USP48: variants seen among roughly 807,000 people sequenced by gnomAD.
The protein encoded by USP48 is ubiquitin carboxyl-terminal hydrolase 48.
USP48 carries 43 observed loss-of-function variants against 150.7 expected under a neutral mutation model. The ratio of observed to expected loss-of-function variants is 0.29; its 90% CI spans 0.22 to 0.37. The LOEUF (loss-of-function observed/expected upper bound fraction) is 0.37. Ranked by LOEUF, USP48 falls within the 10% of genes least tolerant of loss-of-function variation. The pLI, the probability that USP48 is intolerant of heterozygous loss-of-function variation, is 1.00. For missense variants in USP48, 813 were observed against 1,249.6 expected (o/e 0.65, Z 5.27); for synonymous variants, 396 against 425.9 (o/e 0.93, Z 0.86).
At chr1:21,779,575 T>G (rs918061090) in intron 1 of USP48, among the ~76,000 whole-genome samples, 56 of 151,408 alleles carry the variant, frequency 3.7e-4, no homozygotes, top group African/African-American at 1.3e-3. Context: ...TAATAAAAAG[T>G]TAAAAGTTAC....
At chr1:21,716,132 CT>C (rs1349375138) in intron 14 of USP48, among the ~76,000 whole-genome samples, 2 of 152,112 alleles carry the variant, frequency 1.3e-5, no homozygotes, top group African/African-American at 4.8e-5. Context: ...TCCTATAGAT[CT>C]TAGTAACCTC....
chr1:21,773,613 A>G (rs1248476814), intron 1 of USP48, among the ~76,000 whole-genome samples: 1 of 152,234 alleles, frequency 6.6e-6, no homozygotes, highest in Non-Finnish European at 1.5e-5. Context: ...AATGCTTTGT[A>G]TAAGGTAATA....
chr1:21,764,517 G>GCC (rs1377729269), intron 1 of USP48, among the ~76,000 whole-genome samples: 1 of 151,412 alleles, frequency 6.6e-6, no homozygotes, highest in Non-Finnish European at 1.5e-5. Flanking sequence ...GACCAACCTG[G>GCC]CCAAGATGGT....
At chr1:21,751,756 T>C (rs1411791546) in intron 5 of USP48, 141 bp from the exon 6 acceptor site, 1 of 684,440 alleles carries the variant, frequency 1.5e-6, no homozygotes, top group Non-Finnish European at 2.4e-6. Flanking sequence ...ATACTAAAAA[T>C]GAAATATAAT....
intron 11 of USP48, chr1:21,724,346 T>C: frequency 1.7e-6 from 1 of 597,920 alleles, no homozygotes; most frequent in Non-Finnish European, 3.0e-6. Context: ...CTGGTATTAT[T>C]AACCACATTC....
intron 8 of USP48, among the ~76,000 whole-genome samples, chr1:21,742,782 A>C (rs1490286598): frequency 6.6e-6 from 1 of 152,060 alleles, no homozygotes; most frequent in Non-Finnish European, 1.5e-5. Context: ...ACAGAAATAA[A>C]CCTAAAGGGC....
At chr1:21,758,647 G>A (rs974439687) in intron 1 of USP48, among the ~76,000 whole-genome samples, 4 of 151,988 alleles carry the variant, frequency 2.6e-5, no homozygotes, top group Non-Finnish European at 5.9e-5. Context: ...CTACTTGGGA[G>A]GTTGTGGCAG....
chr1:21,691,270 C>T (rs965641782), intron 23 of USP48, among the ~76,000 whole-genome samples: 7 of 147,130 alleles, frequency 4.8e-5, no homozygotes, highest in Admixed American at 1.4e-4. Context: ...GCTGAGACCA[C>T]GCCATTGCAC....
At chr1:21,687,021 CT>C in intron 25 of USP48, 169 bp downstream of exon 25, 2 of 645,474 alleles carry the variant, frequency 3.1e-6, no homozygotes, top group Non-Finnish European at 5.3e-6. Flanking sequence ...TTGTAGATAT[CT>C]TTCCCTCCTT....
chr1:21,774,797 G>C (rs2097893144), intron 1 of USP48, among the ~76,000 whole-genome samples: 1 of 151,722 alleles, frequency 6.6e-6, no homozygotes, highest in Non-Finnish European at 1.5e-5. Flanking sequence ...TTTGAGACCA[G>C]CCTGGCCAAC....
chr1:21,750,648 G>A (rs1182711649), intron 6 of USP48, among the ~76,000 whole-genome samples: 4 of 152,018 alleles, frequency 2.6e-5, no homozygotes, highest in South Asian at 2.1e-4. Context: ...CAAGGCAGGC[G>A]GATCACCTGA....
chr1:21,720,630 C>T (rs184472333), intron 14 of USP48, among the ~76,000 whole-genome samples: 18 of 151,790 alleles, frequency 1.2e-4, no homozygotes, highest in Admixed American at 9.8e-4. Flanking sequence ...TGGGTTCAAT[C>T]GATTCTACTG....
chr1:21,757,580 T>C, intron 2 of USP48, 83 bp downstream of exon 2: 2 of 1,482,974 alleles, frequency 1.3e-6, no homozygotes, highest in Non-Finnish European at 1.8e-6. Flanking sequence ...ATCAGTAGAG[T>C]TTTCTGATCA....
At chr1:21,721,895 T>C (rs927564164) in intron 12 of USP48, 131 bp from the exon 13 acceptor site, 6 of 540,098 alleles carry the variant, frequency 1.1e-5, no homozygotes, top group South Asian at 3.6e-5. Context: ...ATATGGCAAA[T>C]TGGTATATAC....
chr1:21,765,263 C>T (rs970328208), intron 1 of USP48, among the ~76,000 whole-genome samples: 5 of 152,146 alleles, frequency 3.3e-5, no homozygotes, highest in South Asian at 2.1e-4. Context: ...TTGGTTATGA[C>T]GTACTAAGCA....
intron 22 of USP48, among the ~76,000 whole-genome samples, chr1:21,697,460 G>C (rs909571187): frequency 3.3e-5 from 5 of 152,058 alleles, no homozygotes; most frequent in Non-Finnish European, 7.4e-5. Flanking sequence ...TCAGGAGATT[G>C]AGACCATCCT....
At chr1:21,746,316 A>T (rs2097794418) in intron 8 of USP48, among the ~76,000 whole-genome samples, 1 of 152,116 alleles carries the variant, frequency 6.6e-6, no homozygotes, top group Admixed American at 6.5e-5. Context: ...CTTGGCCAAC[A>T]CGGCAAAACC....
rs183312298 is a variant in USP48 at position 21,723,797 on chromosome 1, C to T, written c.1648+101G>A. On this transcript the variant is annotated intron_variant, in intron 12 of 26. Transcript: ENST00000308271. ...AAAGTGTAAGGAATATTTGGTCTAG[C>T]ATAGTTTGGGTCAAATCATCATAAG... The T allele has an allele frequency of 2.8e-4, 288 of 1,038,122 alleles. 2 individuals carry two copies. The African/African-American group carries it at 4.2e-3, about 15-fold the overall frequency. The allele number at this position is 1,038,122 out of a possible 1,614,324, so 64.3% of individuals were successfully genotyped here.
chr1:21,680,583 G>C (rs1158087056), intron 26 of USP48, among the ~76,000 whole-genome samples: 1 of 152,210 alleles, frequency 6.6e-6, no homozygotes, highest in Non-Finnish European at 1.5e-5. Context: ...CATCTGGCAA[G>C]AAACAGTTCT....
Sources: allele counts gnomAD v4.1 joint callset (sites outside exome capture counted in the v4.1 genomes callset), GRCh38; gene constraint gnomAD v4.1.1; transcripts MANE v1.5; gene names NCBI Gene and HGNC (gene_info 2026-07-23, HGNC 2026-07-21).